The following PPP2CB variants were observed in gnomAD, a reference collection of about 807,000 sequenced individuals.
PPP2CB encodes the protein serine/threonine-protein phosphatase 2A catalytic subunit beta isoform.
PPP2CB carries 18 observed loss-of-function variants against 39.1 expected under a neutral mutation model. That is an observed-to-expected ratio of 0.46 (90% CI 0.32 to 0.68). The LOEUF (loss-of-function observed/expected upper bound fraction) is 0.68, where lower values mean the gene tolerates loss of function less well. PPP2CB is among the 30% of genes least tolerant of loss of function. The pLI is 0.04. For synonymous variants in PPP2CB, 129 were observed against 133.8 expected (o/e 0.96, Z 0.25); for missense variants, 226 against 396.9 (o/e 0.57, Z 3.66).
chr8:30,812,230 G>A (rs931651244), intron 1 of PPP2CB, 90 bp downstream of exon 1: 1 of 963,520 alleles, frequency 1.0e-6, no homozygotes, highest in Non-Finnish European at 1.3e-6. Context: ...GGGCCGCGCC[G>A]GGCCAGGGGC....
Position 30,812,423 on chromosome 8 carries a change from G to A in PPP2CB, c.-2C>T. ...CTTGGTGAACGCCTTGTCGTCCATG[G>A]CGGCCCGATCCCGATGCGGATCCCG... On this transcript the variant is annotated 5_prime_UTR_variant, in exon 1 of 7. Coordinates refer to ENST00000221138, the MANE Select transcript of PPP2CB (RefSeq NM_001009552.2). The A allele has an allele frequency of 6.5e-7, 1 of 1,528,156 alleles. No homozygotes were observed. The highest frequency in any genetic ancestry group is 1.2e-5 in the South Asian group (1 of 83,512). 94.7% of individuals were successfully genotyped at this position (1,528,156 alleles called of 1,614,324 possible). A position where few individuals can be genotyped will look rare whatever the true frequency, so the allele number is the denominator to read the frequency against.
intron 1 of PPP2CB, among the ~76,000 whole-genome samples, chr8:30,806,923 C>T (rs1806735795): frequency 6.6e-6 from 1 of 151,970 alleles, no homozygotes; most frequent in Non-Finnish European, 1.5e-5. Context: ...ATATATTTAC[C>T]TAGTCATATA....
At chr8:30,788,059 CTTT>C (rs1252758087) in intron 6 of PPP2CB, among the ~76,000 whole-genome samples, 1 of 152,022 alleles carries the variant, frequency 6.6e-6, no homozygotes, top group South Asian at 2.1e-4. Flanking sequence ...GTCTTTACTC[CTTT>C]TTTTCTTGGC....
At chr8:30,797,819 C>T in intron 2 of PPP2CB, 65 bp from the exon 3 acceptor site, 1 of 1,490,972 alleles carries the variant, frequency 6.7e-7, no homozygotes, top group Non-Finnish European at 9.1e-7. Context: ...TGAAGTACAC[C>T]AGTCTCTGAC....
At chr8:30,805,549 G>C (rs924797898) in intron 1 of PPP2CB, among the ~76,000 whole-genome samples, 1 of 151,888 alleles carries the variant, frequency 6.6e-6, no homozygotes, top group African/African-American at 2.4e-5. Context: ...GACAGAGAGA[G>C]AGACTCCATC....
chr8:30,797,568 C>T lies in PPP2CB; in HGVS notation c.486+13G>A. ...TTTACCTCCTCCCAAGATGTAAGCA[C>T]ACATATACATACCTGTCCATCTACT... On this transcript the variant is annotated intron_variant, in intron 3 of 6. Coordinates refer to ENST00000221138, the MANE Select transcript of PPP2CB (RefSeq NM_001009552.2). The T allele has an allele frequency of 6.2e-7, 1 of 1,602,414 alleles. No homozygotes were observed. The highest frequency in any genetic ancestry group is 1.1e-5 in the South Asian group (1 of 90,094).
intron 1 of PPP2CB, among the ~76,000 whole-genome samples, chr8:30,800,020 T>A (rs866111553): frequency 5.9e-5 from 9 of 152,172 alleles, no homozygotes; most frequent in African/African-American, 2.2e-4. Flanking sequence ...TGTCTGGCAG[T>A]TCCTCCAAAG....
intron 1 of PPP2CB, among the ~76,000 whole-genome samples, chr8:30,809,579 G>T (rs945364003): frequency 6.6e-6 from 1 of 152,082 alleles, no homozygotes; most frequent in African/African-American, 2.4e-5. Flanking sequence ...ATCAATGGGG[G>T]TAGAGAACAA....
At chr8:30,804,157 C>A (rs1366732073) in intron 1 of PPP2CB, among the ~76,000 whole-genome samples, 1 of 152,156 alleles carries the variant, frequency 6.6e-6, no homozygotes, top group African/African-American at 2.4e-5. Flanking sequence ...AAGAATATGC[C>A]AACTCAACTG....
At chr8:30,801,812 C>A (rs1806633140) in intron 1 of PPP2CB, among the ~76,000 whole-genome samples, 1 of 152,160 alleles carries the variant, frequency 6.6e-6, no homozygotes, top group Admixed American at 6.5e-5. Context: ...GTAGGAATCA[C>A]AAAGTTACTC....
chr8:30,803,072 CTT>C (rs1806652839), intron 1 of PPP2CB, among the ~76,000 whole-genome samples: 1 of 152,208 alleles, frequency 6.6e-6, no homozygotes, highest in African/African-American at 2.4e-5. Context: ...GCAAAAATCT[CTT>C]TCTGTATTTG....
intron 1 of PPP2CB, among the ~76,000 whole-genome samples, 191 bp from the exon 2 acceptor site, chr8:30,799,946 G>C (rs971811032): frequency 2.0e-5 from 3 of 152,186 alleles, no homozygotes; most frequent in African/African-American, 7.2e-5. Context: ...CAAACATGTG[G>C]ATAAACTGGA....
At chr8:30,799,165 A>G (rs1806575876) in intron 2 of PPP2CB, among the ~76,000 whole-genome samples, 1 of 152,236 alleles carries the variant, frequency 6.6e-6, no homozygotes, top group Admixed American at 6.5e-5. Flanking sequence ...TCTTGGAGGC[A>G]GAAATATTAG....
intron 3 of PPP2CB, 181 bp from the exon 4 acceptor site, chr8:30,794,462 C>A: frequency 5.8e-6 from 3 of 515,422 alleles, no homozygotes; most frequent in Admixed American, 3.7e-5. Context: ...TGGGGACCCA[C>A]CATTAAATTT....
chr8:30,809,606 C>A (rs919474844), intron 1 of PPP2CB, among the ~76,000 whole-genome samples: 4 of 151,950 alleles, frequency 2.6e-5, no homozygotes, highest in African/African-American at 9.7e-5. Flanking sequence ...ATGAATTTCA[C>A]TAACAAATTC....
In PPP2CB at chr8:30,812,327, C is replaced by T; in HGVS notation, c.95G>A (p.Cys32Tyr). Residue 32 changes from cysteine to tyrosine, a missense_variant, in exon 1 of 7, where the codon TGC becomes TAC. Physicochemically the swap from Cys to Tyr is radical, Grantham distance 194. Transcript: ENST00000221138. Reference protein sequence around the residue: ...QLNENQVRTLCEKAKEILTKE... With the variant: ...QLNENQVRTLYEKAKEILTKE... ...CCCCCGCGGCGCCCTCACCTTCTCG[C>T]ACAGCGTCCGCACTTGGTTCTCGTT... 1 of 1,534,938 alleles carries T rather than the reference C, an allele frequency of 6.5e-7. No individual in the cohort carries two copies. Among genetic ancestry groups the T allele is most frequent in the Non-Finnish European group, 8.8e-7 (1 of 1,137,182 alleles).
intron 1 of PPP2CB, among the ~76,000 whole-genome samples, chr8:30,803,866 G>C (rs1271824676): frequency 6.6e-6 from 1 of 151,404 alleles, no homozygotes; most frequent in Non-Finnish European, 1.5e-5. Flanking sequence ...GTCCAGGCTG[G>C]AGTGCAGTGG....
chr8:30,793,815 G>T, intron 5 of PPP2CB, 102 bp downstream of exon 5: 2 of 1,303,020 alleles, frequency 1.5e-6, no homozygotes, highest in Non-Finnish European at 2.0e-6. Flanking sequence ...TTTCACCTAG[G>T]TAATAAATGG....
chr8:30,796,535 T>G (rs893671483), intron 3 of PPP2CB, among the ~76,000 whole-genome samples: 1 of 152,074 alleles, frequency 6.6e-6, no homozygotes, highest in Non-Finnish European at 1.5e-5. Context: ...ACTACAGGCA[T>G]GCAATGCCAT....
Sources: gnomAD v4.1 joint callset for allele counts (sites outside exome capture counted in the v4.1 genomes callset) on GRCh38, gnomAD v4.1.1 for gene constraint, MANE v1.5 for transcripts, NCBI Gene and HGNC (gene_info 2026-07-23, HGNC 2026-07-21) for gene names.